ARNT2: variants seen among roughly 807,000 people sequenced by gnomAD.
ARNT2 encodes aryl hydrocarbon receptor nuclear translocator 2, also known as ARNT protein 2.
ARNT2 carries 36 observed loss-of-function variants against 91.7 expected under a neutral mutation model. That is an observed-to-expected ratio of 0.39 (90% CI 0.30 to 0.52). ARNT2 has a LOEUF of 0.52. Among genes scored for constraint, ARNT2 ranks in the 20% least tolerant of loss-of-function variants. The pLI is 0.72. For synonymous variants in ARNT2, 365 were observed against 347.1 expected, an observed-to-expected ratio of 1.05 and a Z score of -0.57; for missense variants, 775 against 939.3, an observed-to-expected ratio of 0.83 and a Z score of 2.29.
intron 5 of ARNT2, among the ~76,000 whole-genome samples, chr15:80,477,180 G>A (rs2089310484): frequency 6.6e-6 from 1 of 152,240 alleles, no homozygotes; most frequent in Non-Finnish European, 1.5e-5. Flanking sequence ...GCAGAATGGT[G>A]AGCCAATTAA....
In ARNT2 at chr15:80,505,559, C is replaced by G. The variant is rs144903065; in HGVS notation, c.623-2597C>G. On this transcript the variant is annotated intron_variant, in intron 5 of 18. Transcript: ENST00000303329. ...TTAATTCATTTAATGCACACAAAAACTATCTAAAGGAAGTACTATTATTAT... is the reference window on the plus strand; with the variant it reads ...TTAATTCATTTAATGCACACAAAAAGTATCTAAAGGAAGTACTATTATTAT... Among the ~76,000 whole-genome samples the G allele has an allele frequency of 1.8e-3, 281 of 152,332 alleles. 1 individual carries two copies. Among genetic ancestry groups the G allele is most frequent in the Non-Finnish European group, 3.0e-3 (204 of 68,034 alleles).
chr15:80,455,908 GA>G (rs34263656), intron 2 of ARNT2, among the ~76,000 whole-genome samples: 1 of 152,152 alleles, frequency 6.6e-6, no homozygotes, highest in Non-Finnish European at 1.5e-5. Context: ...TCTTAACGCT[GA>G]AATGTTTTTG....
intron 8 of ARNT2, among the ~76,000 whole-genome samples, chr15:80,525,439 A>T (rs1227131605): frequency 6.6e-6 from 1 of 152,138 alleles, no homozygotes; most frequent in Non-Finnish European, 1.5e-5. Flanking sequence ...AGCAAGAGGC[A>T]TGCTTTGTTC....
chr15:80,575,641 C>G (rs1416468514), intron 14 of ARNT2, among the ~76,000 whole-genome samples: 1 of 152,256 alleles, frequency 6.6e-6, no homozygotes, highest in Non-Finnish European at 1.5e-5. Context: ...GGTGAGACGA[C>G]TCTGCTCACC....
At chr15:80,504,213 C>T (rs1303088819) in intron 5 of ARNT2, among the ~76,000 whole-genome samples, 1 of 152,208 alleles carries the variant, frequency 6.6e-6, no homozygotes, top group African/African-American at 2.4e-5. Context: ...CGCAGCTCTC[C>T]AATCCCTTTC....
At chr15:80,554,000 G>T (rs919265337) in intron 10 of ARNT2, among the ~76,000 whole-genome samples, 2 of 152,228 alleles carry the variant, frequency 1.3e-5, no homozygotes, top group Non-Finnish European at 2.9e-5. Flanking sequence ...GGGGCATCCA[G>T]TTGCTCCTTG....
intron 5 of ARNT2, among the ~76,000 whole-genome samples, chr15:80,503,290 C>T (rs577078250): frequency 6.6e-6 from 1 of 152,310 alleles, no homozygotes; most frequent in South Asian, 2.1e-4. Flanking sequence ...TGATTTTGTA[C>T]ATCTCAACTG....
intron 1 of ARNT2, among the ~76,000 whole-genome samples, chr15:80,414,314 C>G (rs951728472): frequency 1.3e-5 from 2 of 152,146 alleles, no homozygotes; most frequent in African/African-American, 4.8e-5. Context: ...CAGGGCAGCC[C>G]CCACAGCAAA....
chr15:80,508,259 G>T lies in ARNT2; in HGVS notation c.725+1G>T. ...GGCGGTCTTTCATCTGCAGGATGAGGTCTGTTTTGGGGGAGCAGCAGGCCA... is the reference window on the plus strand; with the variant it reads ...GGCGGTCTTTCATCTGCAGGATGAGTTCTGTTTTGGGGGAGCAGCAGGCCA... On this transcript the variant is annotated splice_donor_variant, in intron 6 of 18. Transcript: ENST00000303329. LOFTEE classifies it high-confidence loss of function. The T allele has an allele frequency of 6.2e-7, 1 of 1,613,816 alleles. No homozygotes were observed.
At chr15:80,444,579 G>C (rs2054315001) in intron 1 of ARNT2, 1 of 152,662 alleles carries the variant, frequency 6.6e-6, no homozygotes, top group Admixed American at 6.6e-5. Flanking sequence ...TGGTGTGTGG[G>C]GGTGTGTGTA....
At chr15:80,539,961 C>T (rs1897881157) in intron 8 of ARNT2, among the ~76,000 whole-genome samples, 1 of 151,824 alleles carries the variant, frequency 6.6e-6, no homozygotes. Flanking sequence ...GGTACAACCA[C>T]TAAGGAGAAC....
intron 10 of ARNT2, among the ~76,000 whole-genome samples, chr15:80,553,400 G>C (rs1415271091): frequency 6.6e-6 from 1 of 152,126 alleles, no homozygotes; most frequent in Non-Finnish European, 1.5e-5. Context: ...CAGAATATTG[G>C]GTGATGTCAT....
intron 11 of ARNT2, chr15:80,560,046 C>T (rs558895820): frequency 6.6e-6 from 1 of 152,426 alleles, no homozygotes. Context: ...CTTGCCAACA[C>T]TTTACCCACC....
At chr15:80,551,763 C>T (rs907223003) in intron 9 of ARNT2, among the ~76,000 whole-genome samples, 2 of 152,060 alleles carry the variant, frequency 1.3e-5, no homozygotes, top group Non-Finnish European at 2.9e-5. Flanking sequence ...TTCAATGTTC[C>T]TTATCCTCCT....
intron 5 of ARNT2, among the ~76,000 whole-genome samples, chr15:80,479,363 C>T (rs548725185): frequency 6.6e-6 from 1 of 152,178 alleles, no homozygotes; most frequent in Non-Finnish European, 1.5e-5. Flanking sequence ...TCCTTAGAAA[C>T]ATCATGGAGT....
rs79166242 is a variant in ARNT2, at chr15:80,589,767, G to A, written c.1919-1801G>A. ...GCTAAGCCAATTAATGAGGCCAGTC[G>A]ACACGATTCTATGAAAGAGTTCCTC... On this transcript the variant is annotated intron_variant, in intron 17 of 18. Coordinates refer to ENST00000303329, the MANE Select transcript of ARNT2 (RefSeq NM_014862.4). 1.0e-2 allele frequency among the ~76,000 whole-genome samples: 1,519 copies of A among 152,310 alleles called. 27 individuals are homozygous for A. The highest frequency in any genetic ancestry group is 0.035 in the African/African-American group (1,460 of 41,566).
chr15:80,566,858 A>G (rs1410645858), intron 12 of ARNT2, among the ~76,000 whole-genome samples: 1 of 152,192 alleles, frequency 6.6e-6, no homozygotes, highest in Non-Finnish European at 1.5e-5. Flanking sequence ...GCAGGAACAA[A>G]TGTACTAAGT....
intron 7 of ARNT2, 98 bp downstream of exon 7, chr15:80,514,074 G>A (rs1897389135): frequency 4.0e-6 from 5 of 1,242,434 alleles, no homozygotes; most frequent in Non-Finnish European, 4.7e-6. Flanking sequence ...GCTTAGTGTG[G>A]TGAGGACCAA....
intron 8 of ARNT2, among the ~76,000 whole-genome samples, chr15:80,527,472 G>C (rs1897656849): frequency 6.6e-6 from 1 of 152,222 alleles, no homozygotes; most frequent in African/African-American, 2.4e-5. Context: ...AAGCACAAAG[G>C]AGATGTGGGA....
Sources: gnomAD v4.1 joint callset for allele counts (sites outside exome capture counted in the v4.1 genomes callset) on GRCh38, gnomAD v4.1.1 for gene constraint, MANE v1.5 for transcripts, NCBI Gene and HGNC (gene_info 2026-07-23, HGNC 2026-07-21) for gene names.